Variants in TIAM1 observed in about 807,000 individuals in gnomAD.
The protein encoded by TIAM1 is rho guanine nucleotide exchange factor TIAM1.
Under a neutral mutation model 163.5 loss-of-function variants are expected in TIAM1, and 65 were observed. The ratio of observed to expected loss-of-function variants is 0.40; its 90% CI spans 0.33 to 0.49. TIAM1 has a LOEUF of 0.49. TIAM1 is among the 20% of genes least tolerant of loss of function. The pLI, the probability that TIAM1 is intolerant of heterozygous loss-of-function variation, is 0.77. For synonymous variants in TIAM1, 833 were observed against 810.1 expected, an observed-to-expected ratio of 1.03 and a Z score of -0.48; for missense variants, 1,789 against 2,044.7, an observed-to-expected ratio of 0.87 and a Z score of 2.41.
chr21:31,392,730 C>G (rs574601085), intron 2 of TIAM1, among the ~76,000 whole-genome samples: 1 of 151,972 alleles, frequency 6.6e-6, no homozygotes. Flanking sequence ...GATCCCTTGG[C>G]TTGGTGCCAT....
intron 16 of TIAM1, among the ~76,000 whole-genome samples, chr21:31,162,084 C>G (rs2083953869): frequency 1.3e-5 from 2 of 152,174 alleles, no homozygotes; most frequent in Non-Finnish European, 2.9e-5. Flanking sequence ...AATCTGGACA[C>G]AAGGTAGTTT....
intron 2 of TIAM1, among the ~76,000 whole-genome samples, chr21:31,426,150 G>A (rs1014128405): frequency 6.6e-6 from 1 of 152,136 alleles, no homozygotes; most frequent in African/African-American, 2.4e-5. Flanking sequence ...TACCCAGTAT[G>A]TGGTCTTTTA....
At chr21:31,273,870 T>G (rs1429022107) in intron 3 of TIAM1, among the ~76,000 whole-genome samples, 2 of 152,194 alleles carry the variant, frequency 1.3e-5, no homozygotes, top group Non-Finnish European at 2.9e-5. Flanking sequence ...AATGAGAAAC[T>G]TAACTGCTTG....
At chr21:31,275,918 CCT>C (rs368488365) in intron 3 of TIAM1, among the ~76,000 whole-genome samples, 133 of 152,128 alleles carry the variant, frequency 8.7e-4, no homozygotes, top group African/African-American at 3.0e-3. Context: ...TTTTCACTCC[CCT>C]GAGGTATTTA....
chr21:31,168,418 T>C (rs2084343536), intron 15 of TIAM1, among the ~76,000 whole-genome samples: 1 of 148,968 alleles, frequency 6.7e-6, no homozygotes, highest in African/African-American at 2.5e-5. Flanking sequence ...TTTTCTTTTT[T>C]GAGATGGAGT....
At chr21:31,402,845 G>A (rs892941304) in intron 2 of TIAM1, among the ~76,000 whole-genome samples, 6 of 152,042 alleles carry the variant, frequency 3.9e-5, no homozygotes, top group Non-Finnish European at 5.9e-5. Context: ...CCAGCTACTC[G>A]GAAGGCTGAG....
At chr21:31,352,691 A>C (rs1001345440) in intron 2 of TIAM1, among the ~76,000 whole-genome samples, 6 of 151,724 alleles carry the variant, frequency 4.0e-5, no homozygotes, top group African/African-American at 1.5e-4. Context: ...ATCTCTACTT[A>C]AAAATAAATA....
intron 3 of TIAM1, 50 bp from the exon 4 acceptor site, chr21:31,267,033 G>C: frequency 6.6e-7 from 1 of 1,522,366 alleles, no homozygotes; most frequent in Non-Finnish European, 8.8e-7. Context: ...ATTAGTACAG[G>C]TATAGGCATC....
At chr21:31,153,034 T>TG (rs1279447584) in intron 18 of TIAM1, 32 bp downstream of exon 18, 1 of 1,600,356 alleles carries the variant, frequency 6.2e-7, no homozygotes, top group African/African-American at 1.3e-5. Flanking sequence ...CACGGTATGA[T>TG]GGTCACAAAG....
At chr21:31,365,528 A>G (rs1312436064) in intron 2 of TIAM1, among the ~76,000 whole-genome samples, 1 of 151,108 alleles carries the variant, frequency 6.6e-6, no homozygotes, top group Non-Finnish European at 1.5e-5. Context: ...AGCTGGGACT[A>G]CAGGCACCCG....
rs775386660 is a variant in TIAM1 at position 31,251,873 on chromosome 21, A to G, written c.1280T>C (p.Leu427Pro). 1 of 1,613,904 alleles carries G rather than the reference A, an allele frequency of 6.2e-7. No individual in the cohort carries two copies. ...GCGCACCGTGCCCTGTGCGGCGGTC[A>G]GCAGGATGTCCGACTGGCCCGGAGA... The part of the protein sequence containing the change: ...LSSPGQSDIL[L>P]TAAQGTVRKA... The change falls in exon 5 of 28, where the codon CTG becomes CCG. Residue 427 changes from leucine (L) to proline (P), a missense_variant. Transcript: ENST00000541036.
intron 2 of TIAM1, among the ~76,000 whole-genome samples, chr21:31,450,918 C>T (rs973885612): frequency 2.0e-5 from 3 of 152,124 alleles, no homozygotes; most frequent in Non-Finnish European, 4.4e-5. Context: ...ACGGGAGCTA[C>T]ACTTCAAGAT....
Position 31,185,387 on chromosome 21 carries a change from A to G in TIAM1, c.2662+1614T>C, listed in dbSNP as rs183399190. 3.7e-3 allele frequency among the ~76,000 whole-genome samples: 532 copies of G among 145,242 alleles called. 3 individuals are homozygous for G. Among genetic ancestry groups the G allele is most frequent in the African/African-American group, 0.013 (516 of 39,286 alleles). ...TATATAATAATTGCACATCATAATT[A>G]TATATAATTATGCTATATAATTATA... On this transcript the variant is annotated intron_variant, in intron 14 of 27. Transcript: ENST00000541036.
chr21:31,381,013 AC>A (rs2076770148), intron 2 of TIAM1, among the ~76,000 whole-genome samples: 1 of 152,334 alleles, frequency 6.6e-6, no homozygotes, highest in African/African-American at 2.4e-5. Context: ...ACAGTGCAGC[AC>A]TCAAACAGTA....
At chr21:31,282,957 A>C (rs1454693878) in intron 2 of TIAM1, among the ~76,000 whole-genome samples, 6 of 152,264 alleles carry the variant, frequency 3.9e-5, no homozygotes, top group Non-Finnish European at 7.3e-5. Context: ...CAATATGTTT[A>C]AGTCAACCAC....
intron 6 of TIAM1, among the ~76,000 whole-genome samples, chr21:31,240,076 C>A (rs2071086226): frequency 6.6e-6 from 1 of 152,148 alleles, no homozygotes; most frequent in Admixed American, 6.5e-5. Flanking sequence ...GGGAACAACT[C>A]AAATGTACCT....
At chr21:31,181,491 G>A (rs1276263009) in intron 15 of TIAM1, among the ~76,000 whole-genome samples, 2 of 151,710 alleles carry the variant, frequency 1.3e-5, no homozygotes, top group Non-Finnish European at 2.9e-5. Context: ...CAGAAGGAGC[G>A]GGGAGAGGAA....
intron 4 of TIAM1, among the ~76,000 whole-genome samples, chr21:31,263,836 T>A (rs2072612292): frequency 6.6e-6 from 1 of 152,236 alleles, no homozygotes; most frequent in Admixed American, 6.5e-5. Context: ...GAATCAGCCT[T>A]GCAGTGCCAA....
intron 2 of TIAM1, among the ~76,000 whole-genome samples, chr21:31,425,914 G>A (rs2043778069): frequency 6.6e-6 from 1 of 151,960 alleles, no homozygotes; most frequent in Non-Finnish European, 1.5e-5. Flanking sequence ...TGTATTTTTA[G>A]TAGAGATGAG....
Sources: gnomAD v4.1 joint callset for allele counts (sites outside exome capture counted in the v4.1 genomes callset) on GRCh38, gnomAD v4.1.1 for gene constraint, MANE v1.5 for transcripts, NCBI Gene and HGNC (gene_info 2026-07-23, HGNC 2026-07-21) for gene names.